GPHN: variants seen among roughly 807,000 people sequenced by gnomAD.
The protein encoded by GPHN is gephyrin.
In GPHN, 17 loss-of-function variants were observed where a neutral mutation model predicts 95.5. That is an observed-to-expected ratio of 0.18 (90% CI 0.12 to 0.27). GPHN has a LOEUF of 0.27. GPHN is among the 10% of genes least tolerant of loss of function. The pLI, the probability that GPHN is intolerant of heterozygous loss-of-function variation, is 1.00. For synonymous variants in GPHN, 320 were observed against 322.5 expected (o/e 0.99, Z 0.08); for missense variants, 660 against 978.1 (o/e 0.67, Z 4.34).
At chr14:66,538,448 T>A (rs953057853) in intron 1 of GPHN, among the ~76,000 whole-genome samples, 5 of 152,020 alleles carry the variant, frequency 3.3e-5, no homozygotes, top group Non-Finnish European at 5.9e-5. Context: ...TCTCATGTGG[T>A]TATTCTGTCT....
chr14:67,659,609 G>GA, the GPHN span: 9 of 1,022,244 alleles, frequency 8.8e-6, no homozygotes, highest in Admixed American at 3.3e-5. Context: ...GGATAAGGGT[G>GA]AAAAAAATGA....
intron 1 of GPHN, among the ~76,000 whole-genome samples, chr14:66,648,156 C>T (rs2064853631): frequency 6.6e-6 from 1 of 152,116 alleles, no homozygotes; most frequent in Non-Finnish European, 1.5e-5. Flanking sequence ...AGTGCTTTGA[C>T]TCTGGTTTAC....
chr14:66,542,000 T>C (rs529197244), intron 1 of GPHN, among the ~76,000 whole-genome samples: 1 of 152,372 alleles, frequency 6.6e-6, no homozygotes, highest in East Asian at 1.9e-4. Flanking sequence ...CCTTGAGTCA[T>C]CACTTTCTCT....
At position 67,123,935 on chromosome 14, in the gene GPHN, C is replaced by T. The variant is rs144219923; in HGVS notation, c.1748+1558C>T. 1.0e-3 allele frequency among the ~76,000 whole-genome samples: 158 copies of T among 152,284 alleles called. 3 individuals are homozygous for T. The East Asian group carries it at 0.026, about 25-fold the overall frequency. On this transcript the variant is annotated intron_variant, in intron 17 of 22. Transcript: ENST00000478722. ...CCCTGGTCTAAACCTTGGACACAAGCATCTTGCCAGTAACCTGAAAGGTAG... is the reference window on the plus strand; with the variant it reads ...CCCTGGTCTAAACCTTGGACACAAGTATCTTGCCAGTAACCTGAAAGGTAG...
the GPHN span, among the ~76,000 whole-genome samples, chr14:67,594,822 G>T: frequency 1.3e-5 from 2 of 152,140 alleles, no homozygotes; most frequent in Non-Finnish European, 2.9e-5. Context: ...TCAAGCATCA[G>T]AGCTTAGCCT....
At chr14:67,671,268 G>A in the GPHN span, among the ~76,000 whole-genome samples, 1 of 152,180 alleles carries the variant, frequency 6.6e-6, no homozygotes, top group Admixed American at 6.5e-5. Context: ...GCTCACACCT[G>A]TAATCCTAGC....
At chr14:67,544,698 C>T in the GPHN span, among the ~76,000 whole-genome samples, 2 of 152,162 alleles carry the variant, frequency 1.3e-5, no homozygotes, top group South Asian at 4.1e-4. Flanking sequence ...CTAAATAGAA[C>T]TTTAATAAGT....
intron 1 of GPHN, among the ~76,000 whole-genome samples, chr14:66,610,260 C>G (rs973507016): frequency 5.9e-5 from 9 of 152,020 alleles, no homozygotes; most frequent in Non-Finnish European, 8.8e-5. Flanking sequence ...GTATAATGGC[C>G]GATAGATAGG....
At chr14:67,576,612 A>T in the GPHN span, 1 of 595,528 alleles carries the variant, frequency 1.7e-6, no homozygotes, top group Non-Finnish European at 3.0e-6. The surrounding 1 kb of genome is among the most constrained non-coding windows in gnomAD (Gnocchi z 4.0). Flanking sequence ...TTTTTAAAAC[A>T]TCTAAGCCAC....
intron 1 of GPHN, among the ~76,000 whole-genome samples, chr14:66,524,910 T>G (rs2058626975): frequency 6.6e-6 from 1 of 152,184 alleles, no homozygotes; most frequent in South Asian, 2.1e-4. Context: ...GATGGGCATT[T>G]GGGTTGGTTC....
At chr14:66,711,422 T>G (rs1424863729) in intron 2 of GPHN, among the ~76,000 whole-genome samples, 2 of 152,134 alleles carry the variant, frequency 1.3e-5, no homozygotes, top group Non-Finnish European at 2.9e-5. Context: ...TGCCACAGTT[T>G]CTTTATCCAC....
In GPHN at chr14:66,889,427, T is replaced by C. The variant is rs569574632; in HGVS notation, c.389+9394T>C. On this transcript the variant is annotated intron_variant, in intron 5 of 22. Transcript: ENST00000478722. ...ATAGTATATTCTTCAAAGCATATTC[T>C]CCAAAAAGAGGATGAAGTTCGAAAT... 5.3e-5 allele frequency among the ~76,000 whole-genome samples: 8 copies of C among 152,180 alleles called. No individual in the cohort carries two copies. The East Asian group carries it at 1.5e-3, about 29-fold the overall frequency.
chr14:66,733,935 C>T (rs931919891), intron 2 of GPHN, among the ~76,000 whole-genome samples: 3 of 152,110 alleles, frequency 2.0e-5, no homozygotes, highest in Admixed American at 6.5e-5. Flanking sequence ...TCATCACCAC[C>T]GCCATTGCCA....
the GPHN span, among the ~76,000 whole-genome samples, chr14:67,708,971 T>G: frequency 6.6e-6 from 1 of 152,106 alleles, no homozygotes; most frequent in African/African-American, 2.4e-5. Context: ...TTTTGTATTT[T>G]TAGTAAAGAT....
intron 3 of GPHN, among the ~76,000 whole-genome samples, chr14:66,817,842 C>T (rs1359326128): frequency 6.6e-6 from 1 of 152,094 alleles, no homozygotes; most frequent in African/African-American, 2.4e-5. Flanking sequence ...CTTTTGAAAC[C>T]TAGGCTTCAG....
intron 11 of GPHN, among the ~76,000 whole-genome samples, chr14:67,073,668 T>TA (rs927494332): frequency 2.0e-5 from 3 of 152,184 alleles, no homozygotes; most frequent in Non-Finnish European, 4.4e-5. Flanking sequence ...TTTGTACCAC[T>TA]AAATCATGGC....
chr14:66,680,024 A>G (rs967707709), intron 1 of GPHN, among the ~76,000 whole-genome samples: 2 of 152,154 alleles, frequency 1.3e-5, no homozygotes, highest in Non-Finnish European at 2.9e-5. Context: ...TTTTTCTTCA[A>G]TTCTGTATTA....
the GPHN span, among the ~76,000 whole-genome samples, chr14:67,626,420 A>T: frequency 2.0e-5 from 3 of 152,238 alleles, no homozygotes; most frequent in African/African-American, 7.2e-5. Flanking sequence ...TTTGGAAAAC[A>T]GTTTGGCAGA....
chr14:67,067,739 T>TG (rs1042030612), intron 11 of GPHN, among the ~76,000 whole-genome samples: 3 of 151,472 alleles, frequency 2.0e-5, no homozygotes, highest in African/African-American at 7.2e-5. Context: ...CAAGGCTCCA[T>TG]GGGTTTGGGA....
Sources: gnomAD v4.1 joint callset for allele counts (sites outside exome capture counted in the v4.1 genomes callset) on GRCh38, gnomAD v4.1.1 for gene constraint, Gnocchi (gnomAD v3.1) non-coding constraint, MANE v1.5 for transcripts, NCBI Gene and HGNC (gene_info 2026-07-23, HGNC 2026-07-21) for gene names.